Variants in AP3B1 observed in about 807,000 individuals in gnomAD.
The protein encoded by AP3B1 is adaptor related protein complex 3 subunit beta 1, also known as AP-3 complex subunit beta-1.
A neutral mutation model predicts 132.5 loss-of-function variants in AP3B1; 61 were observed. The ratio of observed to expected loss-of-function variants is 0.46; its 90% CI spans 0.37 to 0.57. The LOEUF (loss-of-function observed/expected upper bound fraction) is 0.57. Among genes scored for constraint, AP3B1 ranks in the 20% least tolerant of loss-of-function variants. The pLI is 0.00. For synonymous variants in AP3B1, 388 were observed against 438.3 expected, an observed-to-expected ratio of 0.89 and a Z score of 1.43; for missense variants, 1,120 against 1,289.4, an observed-to-expected ratio of 0.87 and a Z score of 2.01.
At chr5:78,068,885 G>T (rs570402548) in intron 22 of AP3B1, among the ~76,000 whole-genome samples, 1 of 152,152 alleles carries the variant, frequency 6.6e-6, no homozygotes, top group East Asian at 1.9e-4. Flanking sequence ...AAATCCAGCA[G>T]CACGTCAGAA....
Position 78,156,347 on chromosome 5 carries a change from C to G in AP3B1, c.1384G>C (p.Val462Leu). 6.2e-7 allele frequency: 1 copy of G among 1,612,024 alleles called. No homozygotes were observed. Among genetic ancestry groups the G allele is most frequent in the Middle Eastern group, 1.7e-4 (1 of 6,056 alleles). The change falls in exon 14 of 27, where the codon GTG becomes CTG. Residue 462 changes from valine to leucine, a missense_variant. By Grantham distance (32) the Val-to-Leu change is conservative. Coordinates refer to ENST00000255194, the MANE Select transcript of AP3B1 (RefSeq NM_003664.5). ...TGCAGTAATTTCTTTATAACAACCACACTTTCAGCAACAACTATTTCTGAA... is the reference window on the plus strand; with the variant it reads ...TGCAGTAATTTCTTTATAACAACCAGACTTTCAGCAACAACTATTTCTGAA... The part of the protein sequence containing the change: ...NRDEIVVAES[V>L]VVIKKLLQMQ...
chr5:78,184,838 T>G (rs1015378060), intron 7 of AP3B1, among the ~76,000 whole-genome samples: 3 of 152,152 alleles, frequency 2.0e-5, no homozygotes, highest in Non-Finnish European at 4.4e-5. Context: ...CTTTTTAAAT[T>G]TGGCAAATAA....
At chr5:78,079,214 A>T (rs560519269) in intron 22 of AP3B1, among the ~76,000 whole-genome samples, 2 of 151,558 alleles carry the variant, frequency 1.3e-5, no homozygotes, top group South Asian at 2.1e-4. Flanking sequence ...ATAAGTTAAC[A>T]TTTTTTTTTG....
chr5:78,122,550 T>G (rs1013609083), intron 17 of AP3B1, among the ~76,000 whole-genome samples: 16 of 152,200 alleles, frequency 1.1e-4, no homozygotes, highest in African/African-American at 3.4e-4. Flanking sequence ...TATACACCAA[T>G]AACGGACAAA....
At chr5:78,041,012 C>T (rs1321809289) in intron 22 of AP3B1, among the ~76,000 whole-genome samples, 2 of 152,170 alleles carry the variant, frequency 1.3e-5, no homozygotes, top group African/African-American at 4.8e-5. Context: ...CGGTGGCTCA[C>T]GCCTGTAATT....
At chr5:78,278,382 G>A (rs1260591160) in intron 1 of AP3B1, among the ~76,000 whole-genome samples, 2 of 92,066 alleles carry the variant, frequency 2.2e-5, no homozygotes, top group Non-Finnish European at 5.8e-5. Flanking sequence ...GGCGGATCAC[G>A]AGGTCAGGAG....
intron 21 of AP3B1, among the ~76,000 whole-genome samples, chr5:78,090,608 T>C (rs1469038209): frequency 6.6e-6 from 1 of 152,240 alleles, no homozygotes; most frequent in East Asian, 1.9e-4. Flanking sequence ...TCTATAACTG[T>C]ACTTCTCATG....
chr5:78,171,776 T>G (rs192836009), intron 11 of AP3B1, among the ~76,000 whole-genome samples: 1 of 152,142 alleles, frequency 6.6e-6, no homozygotes, highest in African/African-American at 2.4e-5. Flanking sequence ...CAACACCACG[T>G]TGAGTAGGAG....
intron 22 of AP3B1, among the ~76,000 whole-genome samples, chr5:78,086,781 T>TA (rs1486285416): frequency 1.7e-4 from 26 of 152,210 alleles, no homozygotes; most frequent in Admixed American, 1.7e-3. Flanking sequence ...TTAGACACGT[T>TA]AAACACGTTG....
intron 2 of AP3B1, among the ~76,000 whole-genome samples, chr5:78,245,853 T>C (rs1184140492): frequency 2.0e-5 from 3 of 152,206 alleles, no homozygotes; most frequent in South Asian, 2.1e-4. Context: ...TTTTTCATTT[T>C]ATTTGGTTGA....
At chr5:78,281,213 T>C (rs1041631240) in intron 1 of AP3B1, among the ~76,000 whole-genome samples, 1 of 152,126 alleles carries the variant, frequency 6.6e-6, no homozygotes, top group Non-Finnish European at 1.5e-5. Flanking sequence ...GGCAGGTGGA[T>C]CACCTGAGGT....
chr5:78,124,833 G>A (rs969593270), intron 17 of AP3B1, among the ~76,000 whole-genome samples: 2 of 152,178 alleles, frequency 1.3e-5, no homozygotes, highest in East Asian at 1.9e-4. Context: ...CTGATAAAAC[G>A]TTTGTTGGAT....
intron 1 of AP3B1, among the ~76,000 whole-genome samples, chr5:78,285,689 C>A (rs1469170031): frequency 6.6e-6 from 1 of 152,120 alleles, no homozygotes; most frequent in Non-Finnish European, 1.5e-5. Flanking sequence ...CCTCTTTGCA[C>A]AATATTCTTC....
Position 78,122,873 on chromosome 5 carries a change from G to A in AP3B1, c.1968+5157C>T, listed in dbSNP as rs533936927. The stretch of plus-strand genomic sequence containing the variant: ...TTAAAGTTCATATGGAACCAAGAAA[G>A]AGTCCGCATCGCCAAGTCAATCCTA... On this transcript the variant is annotated intron_variant, in intron 17 of 26. Transcript: ENST00000255194. 3.9e-5 allele frequency among the ~76,000 whole-genome samples: 6 copies of A among 152,304 alleles called. No individual in the cohort carries two copies. In the South Asian group the frequency reaches 1.0e-3, roughly 26 times the overall value.
chr5:78,002,799 C>T lies in AP3B1; in HGVS notation c.*103G>A, dbSNP rs1199071824. 7.7e-7 allele frequency: 1 copy of T among 1,300,296 alleles called. No homozygotes were observed. The highest frequency in any genetic ancestry group is 2.3e-5 in the East Asian group (1 of 43,366). The allele number at this position is 1,300,296 out of a possible 1,614,324, so 80.5% of individuals were successfully genotyped here. ...AGAATGTCAAGAGTGTATTCTACCC[C>T]CACTGCCAGATGGAAGGGCTATTAT... On this transcript the variant is annotated 3_prime_UTR_variant, in exon 27 of 27. Transcript: ENST00000255194.
chr5:78,118,850 A>G (rs1751999489), intron 17 of AP3B1, among the ~76,000 whole-genome samples: 2 of 152,174 alleles, frequency 1.3e-5, no homozygotes, highest in African/African-American at 4.8e-5. Context: ...ACGCAGCTGG[A>G]GATCTGAGAA....
intron 18 of AP3B1, among the ~76,000 whole-genome samples, chr5:78,114,517 T>A: frequency 6.6e-6 from 1 of 152,162 alleles, no homozygotes; most frequent in East Asian, 1.9e-4. Flanking sequence ...ACTGAGGAAT[T>A]ATACTTTTAA....
intron 3 of AP3B1, among the ~76,000 whole-genome samples, chr5:78,234,736 T>C (rs145032183): frequency 3.9e-4 from 60 of 152,320 alleles, no homozygotes; most frequent in Middle Eastern, 3.4e-3. Flanking sequence ...GCTTGGCATA[T>C]AGTAAAAGCT....
At chr5:78,142,832 T>C (rs1290091310) in intron 14 of AP3B1, among the ~76,000 whole-genome samples, 2 of 152,268 alleles carry the variant, frequency 1.3e-5, no homozygotes, top group East Asian at 3.9e-4. Context: ...AATCTATTCA[T>C]GCAGTGTGAT....
Sources: allele counts gnomAD v4.1 joint callset (sites outside exome capture counted in the v4.1 genomes callset), GRCh38; gene constraint gnomAD v4.1.1; transcripts MANE v1.5; gene names NCBI Gene and HGNC (gene_info 2026-07-23, HGNC 2026-07-21).